Variants in DNHD1 observed in about 807,000 individuals in gnomAD.
DNHD1 encodes dynein heavy chain domain-containing protein 1.
In DNHD1, 383 loss-of-function variants were observed where a neutral mutation model predicts 458.1. That is an observed-to-expected ratio of 0.84 (90% CI 0.77 to 0.91). The LOEUF is 0.91. Ranked by LOEUF, DNHD1 falls within the 40% of genes least tolerant of loss-of-function variation. The pLI, the probability that DNHD1 is intolerant of heterozygous loss-of-function variation, is 0.00. For missense variants in DNHD1, 5,336 were observed against 5,866.1 expected, an observed-to-expected ratio of 0.91 and a Z score of 2.95; for synonymous variants, 2,203 against 2,376.9, an observed-to-expected ratio of 0.93 and a Z score of 2.13.
At chr11:6,560,882 CTTAA>C (rs1323254813) in intron 28 of DNHD1, among the ~76,000 whole-genome samples, 1 of 152,064 alleles carries the variant, frequency 6.6e-6, no homozygotes, top group Non-Finnish European at 1.5e-5. Context: ...TCAGGCATTT[CTTAA>C]TATTTATGTC....
chr11:6,548,272 A>G lies in DNHD1; in HGVS notation c.6968A>G (p.Glu2323Gly). The change falls in exon 23 of 43, where the codon GAG becomes GGG. Residue 2323 changes from glutamate (E) to glycine (G), a missense_variant. By Grantham distance (98) the Glu-to-Gly change is moderately conservative (BLOSUM62 -2). Transcript: ENST00000254579. The surrounding 1 kb of genome is among the most constrained non-coding windows in gnomAD (Gnocchi z 4.4). ...ATTAGTCGCCTCTCCAACTACCCTG[A>G]GCCACCACCCTCAGCCTTGGTGTTT... The part of the protein sequence containing the change: ...DSISRLSNYP[E>G]PPPSALVFDL... 6.4e-7 allele frequency: 1 copy of G among 1,551,630 alleles called. No homozygotes were observed. The highest frequency in any genetic ancestry group is 1.2e-5 in the South Asian group (1 of 84,060).
chr11:6,525,783 C>T (rs1173046936), intron 10 of DNHD1, among the ~76,000 whole-genome samples: 1 of 152,120 alleles, frequency 6.6e-6, no homozygotes, highest in Non-Finnish European at 1.5e-5. Flanking sequence ...TTTCTTAGGA[C>T]ATTATGAGTT....
chr11:6,517,138 G>A (rs1347159488), intron 7 of DNHD1, among the ~76,000 whole-genome samples: 1 of 151,998 alleles, frequency 6.6e-6, no homozygotes, highest in East Asian at 1.9e-4. Context: ...AGCTCTCTGG[G>A]GCCTTTTAAA....
chr11:6,533,345 A>G (rs1339314529), intron 13 of DNHD1, among the ~76,000 whole-genome samples, 161 bp downstream of exon 13: 9 of 152,182 alleles, frequency 5.9e-5, no homozygotes, highest in Non-Finnish European at 1.3e-4. Context: ...TACCCTGTCC[A>G]TGTGGCCCTC....
chr11:6,546,074 C>G lies in DNHD1; in HGVS notation c.5135C>G (p.Pro1712Arg), dbSNP rs776337712. ...CTGGGCCGCCAGCTGGTGATGCTAC[C>G]CTGCTCACCTCAGATAGAGGCTCAA... Reference protein sequence around the residue: ...QALGRQLVMLPCSPQIEAQCL... With the variant: ...QALGRQLVMLRCSPQIEAQCL... Residue 1712 changes from proline (P) to arginine (R), a missense_variant, in exon 21 of 43, where the codon CCC becomes CGC. Transcript: ENST00000254579. The G allele has an allele frequency of 1.8e-5, 28 of 1,551,426 alleles. No individual in the cohort carries two copies. The East Asian group carries it at 5.9e-4, about 33-fold the overall frequency.
In DNHD1 at chr11:6,571,304, G is replaced by T. The variant is rs758538900; in HGVS notation, c.13792G>T (p.Gly4598Trp). ...GCGCCGCCTGCTGCTGGCATTGCGT[G>T]GGGAAGCTGCCCTGGACCAGAATGT... ...HPRRLLLALRGEAALDQNVPS... is the reference protein window; with the variant it reads ...HPRRLLLALRWEAALDQNVPS... Residue 4598 changes from glycine (G) to tryptophan (W), a missense_variant, in exon 42 of 43, where the codon GGG (glycine) becomes TGG (tryptophan). Transcript: ENST00000254579. This position sits in a 1 kb window ranked among gnomAD's most constrained non-coding sequence, Gnocchi z 5.0. 1 of 1,612,246 alleles carries T rather than the reference G, an allele frequency of 6.2e-7. No homozygotes were observed.
In DNHD1 at chr11:6,566,748, G is replaced by T; in HGVS notation, c.11368G>T (p.Ala3790Ser). Residue 3790 changes from alanine (A) to serine (S), a missense_variant, in exon 35 of 43, where the codon GCT becomes TCT. Physicochemically the swap from Ala to Ser is moderately conservative, Grantham distance 99. Transcript: ENST00000254579. ...GATCAGAGCCCTAGATACCTGCAAG[G>T]CTGTGGAGGCTGCTGAGGTGCTTGG... ...LKIRALDTCKAVEAAEERLLT... is the reference protein window; with the variant it reads ...LKIRALDTCKSVEAAEERLLT... The T allele has an allele frequency of 2.5e-6, 4 of 1,610,452 alleles. No homozygotes were observed. Among genetic ancestry groups the T allele is most frequent in the Non-Finnish European group, 3.4e-6 (4 of 1,178,286 alleles).
chr11:6,518,308 C>A (rs1852533153), intron 7 of DNHD1, among the ~76,000 whole-genome samples: 1 of 152,204 alleles, frequency 6.6e-6, no homozygotes, highest in African/African-American at 2.4e-5. Context: ...GTGATCCACC[C>A]TCCTTGGTCT....
chr11:6,522,551 A>G lies in DNHD1; in HGVS notation c.1837+2262A>G, dbSNP rs186967965. On this transcript the variant is annotated intron_variant, in intron 10 of 42. Transcript: ENST00000254579. The stretch of plus-strand genomic sequence containing the variant: ...AGTACCGTGATGAAATAATCTGTAC[A>G]AAAAACTCCTGTGATAGGAGTTTAC... Among the ~76,000 whole-genome samples, 1,344 of 152,298 alleles carry G rather than the reference A, an allele frequency of 8.8e-3. 18 individuals carry two copies. Among genetic ancestry groups the G allele is most frequent in the African/African-American group, 0.03 (1,264 of 41,544 alleles).
chr11:6,498,275 T>G lies in DNHD1; in HGVS notation c.60T>G (p.Leu20=), dbSNP rs1258917427. The G allele has an allele frequency of 3.7e-6, 6 of 1,614,060 alleles. No individual in the cohort carries two copies. The African/African-American group carries it at 4.0e-5, about 11-fold the overall frequency. Residue 20 remains leucine, a synonymous_variant, in exon 3 of 43, where the codon CTT becomes CTG. Coordinates refer to ENST00000254579, the MANE Select transcript of DNHD1 (RefSeq NM_144666.3). ...CTGATGAGACATCATCTGATTCCCT[T>G]AAGTCTTGGCACTCCATATGTGTCT... is the stretch of plus-strand genomic sequence containing the variant. ...LSSDETSSDS[L]KSWHSICVLD...
chr11:6,557,099 C>A lies in DNHD1; in HGVS notation c.7804C>A (p.Gln2602Lys), dbSNP rs1853479016. The change falls in exon 25 of 43, where the codon CAG becomes AAG. Residue 2602 changes from glutamine to lysine, a missense_variant. Gln to Lys is a moderately conservative substitution (Grantham distance 53). Transcript: ENST00000254579. ...HSVSHLLSSL[Q>K]LLPNRTGSRG... The stretch of plus-strand genomic sequence containing the variant: ...TGTGAGCCACCTACTGAGCAGCCTG[C>A]AGCTGCTGCCCAACAGAACAGGCTC... The A allele has an allele frequency of 3.9e-6, 6 of 1,551,628 alleles. No homozygotes were observed. The highest frequency in any genetic ancestry group is 3.5e-6 in the Non-Finnish European group (4 of 1,147,006).
In DNHD1 at chr11:6,548,171, A is replaced by T; in HGVS notation, c.6906-39A>T. Reference sequence around the variant, plus strand: ...AGTGTGTCATAAATGGAAGTGTTGTAACTGTCTGACGCTTTTGCCTGTGTG... The same window carrying T: ...AGTGTGTCATAAATGGAAGTGTTGTTACTGTCTGACGCTTTTGCCTGTGTG... On this transcript the variant is annotated intron_variant, in intron 22 of 42. Coordinates refer to ENST00000254579, the MANE Select transcript of DNHD1 (RefSeq NM_144666.3). This position sits in a 1 kb window ranked among gnomAD's most constrained non-coding sequence, Gnocchi z 4.4. 1 of 1,548,462 alleles carries T rather than the reference A, an allele frequency of 6.5e-7. No homozygotes were observed. Among genetic ancestry groups the T allele is most frequent in the Non-Finnish European group, 8.7e-7 (1 of 1,144,428 alleles).
chr11:6,569,639 G>A (rs976776362), intron 39 of DNHD1, among the ~76,000 whole-genome samples: 3 of 152,136 alleles, frequency 2.0e-5, no homozygotes, highest in Non-Finnish European at 4.4e-5. Context: ...AGGCAGGACT[G>A]GGGGCAAGCA....
intron 10 of DNHD1, among the ~76,000 whole-genome samples, chr11:6,524,276 A>G (rs1852663905): frequency 6.6e-6 from 1 of 152,226 alleles, no homozygotes; most frequent in South Asian, 2.1e-4. Flanking sequence ...GAGAAGAAGT[A>G]ACAGCACCCA....
At position 6,509,185 on chromosome 11, in the gene DNHD1, A is replaced by G. The variant is rs1337365902; in HGVS notation, c.1148A>G (p.Gln383Arg). The G allele has an allele frequency of 6.2e-7, 1 of 1,614,122 alleles. No homozygotes were observed. The highest frequency in any genetic ancestry group is 1.1e-5 in the South Asian group (1 of 91,092). ...AGTTGGAAGAAGAATGTGAGATTAC[A>G]GGGGCTGCATCGACTCCAGAAATTC... ...FTCWKKNVRL[Q>R]GLHRLQKFLE... is the part of the protein sequence containing the mutation. The change falls in exon 6 of 43, where the codon CAG becomes CGG. Residue 383 changes from glutamine (Q) to arginine (R), a missense_variant. Gln to Arg is a conservative substitution (Grantham distance 43). This residue lies in a region of DNHD1 where 3,932 missense variants were observed against 4,365.6 expected (regional missense o/e 0.90). Transcript: ENST00000254579.
In DNHD1 at chr11:6,567,040, T is replaced by C. The variant is rs1296389895; in HGVS notation, c.11531T>C (p.Met3844Thr). The C allele has an allele frequency of 6.2e-7, 1 of 1,613,836 alleles. No individual in the cohort carries two copies. Among genetic ancestry groups the C allele is most frequent in the Non-Finnish European group, 8.5e-7 (1 of 1,179,892 alleles). The change falls in exon 36 of 43, where the codon ATG (methionine) becomes ACG (threonine). Residue 3844 changes from methionine to threonine, a missense_variant. Coordinates refer to ENST00000254579, the MANE Select transcript of DNHD1 (RefSeq NM_144666.3). ...TTAGAAGGGCAGAAACTACAGGAGA[T>C]GGTATTGTGGGCACCCTATCGACCT... ...EELEGQKLQE[M>T]VLWAPYRPVV...
chr11:6,532,902 G>A, intron 12 of DNHD1, 125 bp from the exon 13 acceptor site: 1 of 879,822 alleles, frequency 1.1e-6, no homozygotes, highest in Non-Finnish European at 1.7e-6. Flanking sequence ...GATTCAACAA[G>A]CATTAAATGA....
chr11:6,534,919 G>T (rs1040012816), intron 14 of DNHD1, among the ~76,000 whole-genome samples: 14 of 152,230 alleles, frequency 9.2e-5, no homozygotes, highest in Non-Finnish European at 5.9e-5. Flanking sequence ...GCTAATTTTT[G>T]TATTTTTTGT....
Position 6,571,902 on chromosome 11 carries a change from G to A in DNHD1, c.14178G>A (p.Val4726=). The change falls in exon 43 of 43, where the codon GTG becomes GTA. Residue 4726 remains valine, a synonymous_variant. Coordinates refer to ENST00000254579, the MANE Select transcript of DNHD1 (RefSeq NM_144666.3). This position sits in a 1 kb window ranked among gnomAD's most constrained non-coding sequence, Gnocchi z 5.0. ...GTAKLQSRNI[V]MHLPLPTKLT... ...CTAAGCTGCAGAGCAGGAACATCGT[G>A]ATGCATCTGCCTTTACCCACCAAGC... 2 of 1,614,038 alleles carry A rather than the reference G, an allele frequency of 1.2e-6. No individual in the cohort carries two copies. The highest frequency in any genetic ancestry group is 2.2e-5 in the South Asian group (2 of 91,090).
Sources: allele counts gnomAD v4.1 joint callset (sites outside exome capture counted in the v4.1 genomes callset), GRCh38; gene constraint gnomAD v4.1.1; regional missense constraint gnomAD v4.1.1; non-coding constraint Gnocchi (gnomAD v3.1); transcripts MANE v1.5; gene names NCBI Gene and HGNC (gene_info 2026-07-23, HGNC 2026-07-21).